The following XKR4 variants were observed in gnomAD, a reference collection of about 807,000 sequenced individuals.
XKR4 encodes the protein XK-related protein 4.
In XKR4, 12 loss-of-function variants were observed where a neutral mutation model predicts 53.9. The ratio of observed to expected loss-of-function variants is 0.22; its 90% CI spans 0.14 to 0.36. The LOEUF (loss-of-function observed/expected upper bound fraction) is 0.36. Ranked by LOEUF, XKR4 falls within the 10% of genes least tolerant of loss-of-function variation. XKR4 has a pLI of 1.00. For synonymous variants in XKR4, 354 were observed against 362.4 expected, an observed-to-expected ratio of 0.98 and a Z score of 0.26; for missense variants, 799 against 859.5, an observed-to-expected ratio of 0.93 and a Z score of 0.88.
intron 1 of XKR4, among the ~76,000 whole-genome samples, chr8:55,207,148 C>T (rs930373788): frequency 2.6e-5 from 4 of 152,160 alleles, no homozygotes; most frequent in Non-Finnish European, 4.4e-5. Context: ...GTCCCGTTCT[C>T]GTCTCCCCTG....
At chr8:55,218,433 T>C (rs1817835316) in intron 1 of XKR4, among the ~76,000 whole-genome samples, 2 of 152,208 alleles carry the variant, frequency 1.3e-5, no homozygotes. Flanking sequence ...TATCCACATA[T>C]CAGAAGAGAC....
chr8:55,492,784 C>T (rs1040240986), intron 2 of XKR4, among the ~76,000 whole-genome samples: 4 of 152,174 alleles, frequency 2.6e-5, no homozygotes, highest in African/African-American at 9.7e-5. Context: ...TCCATGGAAT[C>T]CTGCATTTTT....
chr8:55,497,073 A>G (rs1806362925), intron 2 of XKR4, among the ~76,000 whole-genome samples: 1 of 152,218 alleles, frequency 6.6e-6, no homozygotes, highest in Non-Finnish European at 1.5e-5. Flanking sequence ...TTCATGCTGC[A>G]ATACACTTTC....
chr8:55,141,671 CTGTG>C lies in XKR4; in HGVS notation c.806+38393_806+38396del, dbSNP rs370296200. 6.1e-4 allele frequency among the ~76,000 whole-genome samples: 83 copies of C among 135,240 alleles called. 1 individual carries two copies. Among genetic ancestry groups the C allele is most frequent in the African/African-American group, 1.7e-3 (64 of 37,974 alleles). The allele number at this position is 135,240 out of a possible 152,430, so 88.7% of individuals were successfully genotyped here. A position where few individuals can be genotyped will look rare whatever the true frequency, so the allele number is the denominator to read the frequency against. On this transcript the variant is annotated intron_variant, in intron 1 of 2. Transcript: ENST00000327381. ...TCTCTCTCTCTCTCTCTCTCTCTCT[CTGTG>C]TGTGTGTGTGTGTGTCTCTCTCTGT...
At chr8:55,454,863 G>A (rs1042729409) in intron 2 of XKR4, 5 of 762,346 alleles carry the variant, frequency 6.6e-6, no homozygotes, top group South Asian at 1.4e-5. Flanking sequence ...CCACTCAGTG[G>A]CATCCTTAGC....
At chr8:55,159,822 G>A (rs79927408) in intron 1 of XKR4, among the ~76,000 whole-genome samples, 4,745 of 152,312 alleles carry the variant, frequency 0.031, 246 homozygotes, top group African/African-American at 0.11. Flanking sequence ...GGACTAGCTA[G>A]AGATACATGC....
chr8:55,462,781 T>G (rs1248205748), intron 2 of XKR4, among the ~76,000 whole-genome samples: 1 of 152,034 alleles, frequency 6.6e-6, no homozygotes, highest in Non-Finnish European at 1.5e-5. Context: ...TGGAGGAAGA[T>G]CTACCAAGTA....
At chr8:55,301,054 T>A (rs189228739) in intron 1 of XKR4, among the ~76,000 whole-genome samples, 32 of 152,204 alleles carry the variant, frequency 2.1e-4, no homozygotes, top group Non-Finnish European at 4.3e-4. Context: ...TGCAGGTTTG[T>A]TACATATGTA....
intron 2 of XKR4, among the ~76,000 whole-genome samples, chr8:55,379,254 T>A (rs1430155475): frequency 1.3e-5 from 2 of 152,194 alleles, no homozygotes; most frequent in African/African-American, 4.8e-5. Context: ...TCAAGAGGCA[T>A]GTCATTATTT....
chr8:55,484,528 A>G (rs62517408), intron 2 of XKR4, among the ~76,000 whole-genome samples: 6,614 of 152,326 alleles, frequency 0.043, 205 homozygotes, highest in Non-Finnish European at 0.06. Context: ...TTGAAAATCA[A>G]TCAATGTAAT....
intron 1 of XKR4, among the ~76,000 whole-genome samples, chr8:55,308,645 A>T (rs1397871149): frequency 6.6e-6 from 1 of 152,190 alleles, no homozygotes; most frequent in Non-Finnish European, 1.5e-5. Context: ...TAACAATCTG[A>T]ATCTTGAGTA....
At chr8:55,421,229 T>A (rs115237968) in intron 2 of XKR4, among the ~76,000 whole-genome samples, 2,008 of 152,240 alleles carry the variant, frequency 0.013, 43 homozygotes, top group African/African-American at 0.045. Context: ...CAATAACTTT[T>A]TAAAGAGATT....
At chr8:55,400,846 T>C (rs1015800012) in intron 2 of XKR4, among the ~76,000 whole-genome samples, 2 of 152,230 alleles carry the variant, frequency 1.3e-5, no homozygotes, top group African/African-American at 4.8e-5. Flanking sequence ...TCTGCTGCCC[T>C]GTTTCTTAAG....
chr8:55,403,254 T>G (rs2129390188), intron 2 of XKR4, among the ~76,000 whole-genome samples: 1 of 152,368 alleles, frequency 6.6e-6, no homozygotes, highest in African/African-American at 2.4e-5. Context: ...AATCACAGTT[T>G]TCATTAACTT....
chr8:55,102,132 G>A lies in XKR4; in HGVS notation c.-357G>A, dbSNP rs1280785663. Among the ~76,000 whole-genome samples the A allele has an allele frequency of 6.6e-6, 1 of 150,926 alleles. No homozygotes were observed. The highest frequency in any genetic ancestry group is 2.0e-4 in the East Asian group (1 of 5,098). On this transcript the variant is annotated 5_prime_UTR_variant, in exon 1 of 3. Coordinates refer to ENST00000327381, the MANE Select transcript of XKR4 (RefSeq NM_052898.2). The surrounding 1 kb of genome is among the most constrained non-coding windows in gnomAD (Gnocchi z 5.1). ...AGGTCCGAGGAGCGCCGCGGCGGCCGCTGCTGCTCCTGCTGCTGGCGGCGG... is the reference window on the plus strand; with the variant it reads ...AGGTCCGAGGAGCGCCGCGGCGGCCACTGCTGCTCCTGCTGCTGGCGGCGG...
At chr8:55,449,374 CACA>C in intron 2 of XKR4, 1 of 608,180 alleles carries the variant, frequency 1.6e-6, no homozygotes, top group Non-Finnish European at 3.0e-6. Flanking sequence ...GGGCTGTACA[CACA>C]AGTGCTGGGG....
chr8:55,488,636 A>G (rs933993967), intron 2 of XKR4, among the ~76,000 whole-genome samples: 5 of 152,164 alleles, frequency 3.3e-5, no homozygotes, highest in African/African-American at 1.2e-4. Flanking sequence ...AAAAGAATGG[A>G]GAGAATAAAA....
At position 55,185,836 on chromosome 8, in the gene XKR4, C is replaced by T. The variant is rs564079435; in HGVS notation, c.806+82542C>T. ...CCACCTAGATTGCCTAGTTGGCCCT[C>T]AACTACCCTACCACTTTTGATCATT... On this transcript the variant is annotated intron_variant, in intron 1 of 2. Coordinates refer to ENST00000327381, the MANE Select transcript of XKR4 (RefSeq NM_052898.2). 2.0e-5 allele frequency among the ~76,000 whole-genome samples: 3 copies of T among 152,248 alleles called. No homozygotes were observed. In the East Asian group the frequency reaches 5.8e-4, roughly 29 times the overall value.
chr8:55,131,283 G>A (rs560717040), intron 1 of XKR4, among the ~76,000 whole-genome samples: 2 of 152,224 alleles, frequency 1.3e-5, no homozygotes, highest in African/African-American at 4.8e-5. Flanking sequence ...CTTTAAACTT[G>A]AGAAGCCTGA....
Sources: allele counts gnomAD v4.1 joint callset (sites outside exome capture counted in the v4.1 genomes callset), GRCh38; gene constraint gnomAD v4.1.1; non-coding constraint Gnocchi (gnomAD v3.1); transcripts MANE v1.5; gene names NCBI Gene and HGNC (gene_info 2026-07-23, HGNC 2026-07-21).